Variants in GLIS3 observed in about 807,000 individuals in gnomAD.
GLIS3 encodes GLIS family zinc finger 3, also known as zinc finger protein GLIS3.
GLIS3 carries 53 observed loss-of-function variants against 78.6 expected under a neutral mutation model. The observed-to-expected ratio is 0.67, with a 90% CI of 0.54 to 0.85. GLIS3 has a LOEUF of 0.85. GLIS3 is among the 40% of genes least tolerant of loss of function. The pLI, the probability that GLIS3 is intolerant of heterozygous loss-of-function variation, is 0.00. For missense variants in GLIS3, 1,703 were observed against 1,231.1 expected, an observed-to-expected ratio of 1.38 and a Z score of -5.74; for synonymous variants, 684 against 509.9, an observed-to-expected ratio of 1.34 and a Z score of -4.60.
the GLIS3 span, among the ~76,000 whole-genome samples, chr9:4,357,900 G>C: frequency 0.032 from 4,860 of 152,264 alleles, 109 homozygotes; most frequent in South Asian, 0.09. Flanking sequence ...TAAATTGTTT[G>C]AAATGGCAAA....
chr9:4,113,128 A>C (rs920277858), intron 4 of GLIS3, among the ~76,000 whole-genome samples: 10 of 152,010 alleles, frequency 6.6e-5, no homozygotes, highest in African/African-American at 2.4e-4. Flanking sequence ...TTTTTCACTC[A>C]ACAGTGTTTT....
intron 6 of GLIS3, among the ~76,000 whole-genome samples, chr9:3,902,747 A>G (rs1344623945): frequency 6.6e-6 from 1 of 152,196 alleles, no homozygotes; most frequent in African/African-American, 2.4e-5. Context: ...AAGAATTTTT[A>G]TGAGGAGAAA....
chr9:4,035,292 A>G (rs562459171), intron 4 of GLIS3, among the ~76,000 whole-genome samples: 1 of 152,130 alleles, frequency 6.6e-6, no homozygotes, highest in African/African-American at 2.4e-5. Context: ...GTGAGCCATG[A>G]TTCAAAACCA....
At chr9:4,186,620 G>A (rs1817822234) in intron 2 of GLIS3, among the ~76,000 whole-genome samples, 1 of 151,330 alleles carries the variant, frequency 6.6e-6, no homozygotes, top group African/African-American at 2.4e-5. Flanking sequence ...CACCAACAGT[G>A]TAAAAGTGTT....
chr9:4,185,308 T>C (rs1586910095), intron 2 of GLIS3, among the ~76,000 whole-genome samples: 1 of 152,220 alleles, frequency 6.6e-6, no homozygotes, highest in East Asian at 1.9e-4. Flanking sequence ...TATTGCTGAA[T>C]AGTATTCCAT....
the GLIS3 span, among the ~76,000 whole-genome samples, chr9:4,400,381 T>G: frequency 1.3e-5 from 2 of 150,810 alleles, no homozygotes; most frequent in Admixed American, 6.6e-5. Context: ...TAAAAATAAG[T>G]AATTCAAAAT....
chr9:4,341,190 G>A (rs917510001), intron 2 of GLIS3, among the ~76,000 whole-genome samples: 3 of 152,168 alleles, frequency 2.0e-5, no homozygotes, highest in Non-Finnish European at 4.4e-5. Flanking sequence ...TACTCTCTAG[G>A]ACAAAACAAG....
intron 6 of GLIS3, among the ~76,000 whole-genome samples, chr9:3,917,988 T>A (rs1034911390): frequency 6.6e-6 from 1 of 152,134 alleles, no homozygotes; most frequent in Admixed American, 6.5e-5. Context: ...TAAGAATAAT[T>A]TCAGGTGGGG....
At chr9:4,300,837 G>A (rs755931116), upstream of GLIS3, among the ~76,000 whole-genome samples, 7 of 151,896 alleles carry the variant, frequency 4.6e-5, no homozygotes, top group Non-Finnish European at 1.0e-4. Context: ...TCCATCTTGG[G>A]AATCTAGGTA....
chr9:3,950,201 G>T (rs1336097737), intron 4 of GLIS3, among the ~76,000 whole-genome samples: 1 of 152,080 alleles, frequency 6.6e-6, no homozygotes, highest in African/African-American at 2.4e-5. Flanking sequence ...CCTAAGCTAA[G>T]CCACTATGGC....
chr9:3,872,544 A>G (rs960050232), intron 8 of GLIS3, among the ~76,000 whole-genome samples: 1 of 152,240 alleles, frequency 6.6e-6, no homozygotes, highest in South Asian at 2.1e-4. Context: ...GCAGGCAAAG[A>G]GAATGAGGAA....
At chr9:3,888,994 A>G (rs1822254794) in intron 7 of GLIS3, among the ~76,000 whole-genome samples, 1 of 152,084 alleles carries the variant, frequency 6.6e-6, no homozygotes, top group African/African-American at 2.4e-5. Flanking sequence ...CAATATTTCA[A>G]TTATTTGCTT....
chr9:3,937,156 C>G lies in GLIS3; in HGVS notation c.1744G>C (p.Glu582Gln). 1 of 1,614,066 alleles carries G rather than the reference C, an allele frequency of 6.2e-7. No individual in the cohort carries two copies. The change falls in exon 5 of 11, where the codon GAA becomes CAA. Residue 582 changes from glutamate (E) to glutamine (Q), a missense_variant. By Grantham distance (29) the Glu-to-Gln change is conservative. Coordinates refer to ENST00000381971, the MANE Select transcript of GLIS3 (RefSeq NM_001042413.2). ...EGCEKAFSRL[E>Q]NLKIHLRSHT... ...CTCCGCAAGTGGATCTTGAGATTTT[C>G]AAGCCTTGAAAAGGCCTTCTCGCAA...
chr9:4,079,485 T>C (rs564459612), intron 4 of GLIS3, among the ~76,000 whole-genome samples: 1 of 152,312 alleles, frequency 6.6e-6, no homozygotes, highest in South Asian at 2.1e-4. Flanking sequence ...TTCATCCCAC[T>C]GATAAGATTC....
intron 6 of GLIS3, among the ~76,000 whole-genome samples, chr9:3,913,207 A>T (rs1345406436): frequency 6.6e-6 from 1 of 152,176 alleles, no homozygotes; most frequent in Non-Finnish European, 1.5e-5. Context: ...AAACAGATTG[A>T]GTGAAGAAGA....
At chr9:4,202,009 C>T (rs1186480874) in intron 2 of GLIS3, among the ~76,000 whole-genome samples, 2 of 151,914 alleles carry the variant, frequency 1.3e-5, no homozygotes, top group Admixed American at 6.6e-5. Flanking sequence ...TGTGGTGGCA[C>T]GCACCTGTAA....
chr9:3,894,921 A>G (rs1252992116), intron 7 of GLIS3, among the ~76,000 whole-genome samples: 1 of 152,166 alleles, frequency 6.6e-6, no homozygotes, highest in South Asian at 2.1e-4. Flanking sequence ...CAAACATCTC[A>G]ACCACACTGG....
chr9:3,973,015 A>G (rs540240437), intron 4 of GLIS3, among the ~76,000 whole-genome samples: 2 of 152,274 alleles, frequency 1.3e-5, no homozygotes, highest in Non-Finnish European at 2.9e-5. Flanking sequence ...GGTTCCTCAA[A>G]ACACCTTCAG....
chr9:4,439,203 G>T, the GLIS3 span, among the ~76,000 whole-genome samples: 1 of 152,006 alleles, frequency 6.6e-6, no homozygotes, highest in Non-Finnish European at 1.5e-5. Flanking sequence ...TATTCCAAAA[G>T]CCATAATTTT....
Sources: allele counts gnomAD v4.1 joint callset (sites outside exome capture counted in the v4.1 genomes callset), GRCh38; gene constraint gnomAD v4.1.1; transcripts MANE v1.5; gene names NCBI Gene and HGNC (gene_info 2026-07-23, HGNC 2026-07-21).